The following GNAL variants were observed in gnomAD, a reference collection of about 807,000 sequenced individuals.
GNAL encodes guanine nucleotide-binding protein G(olf) subunit alpha.
Under a neutral mutation model 55.1 loss-of-function variants are expected in GNAL, and 18 were observed. That is an observed-to-expected ratio of 0.33 (90% CI 0.23 to 0.48). The LOEUF (loss-of-function observed/expected upper bound fraction) is 0.48. GNAL is among the 20% of genes least tolerant of loss of function. GNAL has a pLI of 0.99. For missense variants in GNAL, 412 were observed against 614.1 expected (o/e 0.67, Z 3.48); for synonymous variants, 253 against 237.0 (o/e 1.07, Z -0.62).
At chr18:11,821,464 C>T (rs112165953) in intron 4 of GNAL, among the ~76,000 whole-genome samples, 38 of 152,194 alleles carry the variant, frequency 2.5e-4, no homozygotes, top group African/African-American at 3.6e-4. Flanking sequence ...GAGTTAAATG[C>T]GATCATGTGT....
At chr18:11,864,503 C>T (rs992457050) in intron 6 of GNAL, 30 bp from the exon 7 acceptor site, 4 of 1,176,506 alleles carry the variant, frequency 3.4e-6, no homozygotes, top group Admixed American at 3.4e-5. Context: ...AGTAATGTAA[C>T]TCAGCTTGTT....
chr18:11,835,002 G>C (rs1311465263), intron 5 of GNAL, among the ~76,000 whole-genome samples: 1 of 152,146 alleles, frequency 6.6e-6, no homozygotes, highest in East Asian at 1.9e-4. Flanking sequence ...GTGCTGCATT[G>C]TCTACAAAAA....
chr18:11,730,409 C>T (rs1013508001), intron 1 of GNAL, among the ~76,000 whole-genome samples: 1 of 151,958 alleles, frequency 6.6e-6, no homozygotes, highest in African/African-American at 2.4e-5. Flanking sequence ...ATCTGCCTGC[C>T]TCGGCCTCCC....
intron 6 of GNAL, among the ~76,000 whole-genome samples, chr18:11,863,343 C>T (rs2036190267): frequency 6.6e-6 from 1 of 152,152 alleles, no homozygotes. Context: ...TCTGTTCAAA[C>T]CACACTCTCC....
intron 5 of GNAL, chr18:11,852,226 C>T (rs1328014430): frequency 4.5e-6 from 6 of 1,322,048 alleles, no homozygotes; most frequent in Non-Finnish European, 6.1e-6. Context: ...CTGAAATGCC[C>T]TTCTACCTTT....
At chr18:11,810,381 T>A (rs558772792) in intron 4 of GNAL, 215 of 152,346 alleles carry the variant, frequency 1.4e-3, no homozygotes, top group African/African-American at 5.1e-3. Flanking sequence ...AGTGACAGAG[T>A]GAGATCCTGT....
chr18:11,861,885 C>CTT (rs2036149484), intron 5 of GNAL, among the ~76,000 whole-genome samples: 1 of 152,044 alleles, frequency 6.6e-6, no homozygotes, highest in African/African-American at 2.4e-5. Context: ...CTCACCCTTA[C>CTT]ACTTTTACAC....
chr18:11,835,490 A>G (rs1194522278), intron 5 of GNAL, among the ~76,000 whole-genome samples: 2 of 152,196 alleles, frequency 1.3e-5, no homozygotes, highest in East Asian at 1.9e-4. Flanking sequence ...CTAAAAGTAC[A>G]GTAAAACGAA....
chr18:11,822,058 G>C (rs1360335412), intron 4 of GNAL, among the ~76,000 whole-genome samples: 9 of 152,376 alleles, frequency 5.9e-5, no homozygotes, highest in African/African-American at 1.9e-4. Flanking sequence ...AGGAGGTCTT[G>C]TGCGTGCAGA....
intron 4 of GNAL, among the ~76,000 whole-genome samples, chr18:11,760,860 CTT>C (rs2033217571): frequency 1.3e-5 from 2 of 152,214 alleles, no homozygotes; most frequent in African/African-American, 4.8e-5. Flanking sequence ...TGTATGTGAC[CTT>C]GAGCACATGA....
At chr18:11,779,770 G>A (rs1361322517) in intron 4 of GNAL, among the ~76,000 whole-genome samples, 2 of 152,204 alleles carry the variant, frequency 1.3e-5, no homozygotes, top group Non-Finnish European at 2.9e-5. Flanking sequence ...TCCCTGACCT[G>A]AAGAACACAA....
chr18:11,806,348 T>G (rs1257855941), intron 4 of GNAL, among the ~76,000 whole-genome samples: 2 of 152,224 alleles, frequency 1.3e-5, no homozygotes, highest in African/African-American at 4.8e-5. Context: ...TTAGTTTAAT[T>G]AAGTCCCATT....
rs992021845 is a variant in GNAL at position 11,752,348 on chromosome 18, C to G, written c.377-505C>G. ...TTTCAGCAGCAGGAAAGAGAGGAGCCGTCGCAGGAGCCGCACACGTCTCCA... is the reference window on the plus strand; with the variant it reads ...TTTCAGCAGCAGGAAAGAGAGGAGCGGTCGCAGGAGCCGCACACGTCTCCA... On this transcript the variant is annotated intron_variant, in intron 1 of 11. Coordinates refer to ENST00000334049, the MANE Select transcript of GNAL (RefSeq NM_182978.4). The surrounding 1 kb of genome is among the most constrained non-coding windows in gnomAD (Gnocchi z 4.5). The G allele has an allele frequency of 3.7e-5, 56 of 1,498,324 alleles. No individual in the cohort carries two copies. The highest frequency in any genetic ancestry group is 4.8e-5 in the Non-Finnish European group (54 of 1,128,190). 92.8% of individuals were successfully genotyped at this position (1,498,324 alleles called of 1,614,324 possible). A position where few individuals can be genotyped will look rare whatever the true frequency, so the allele number is the denominator to read the frequency against.
chr18:11,691,698 C>T (rs541290137), intron 1 of GNAL, among the ~76,000 whole-genome samples: 160 of 152,242 alleles, frequency 1.1e-3, no homozygotes, highest in African/African-American at 3.7e-3. Context: ...GTTTTCCCAG[C>T]ATCATTTATT....
chr18:11,777,221 T>C (rs139956488), intron 4 of GNAL, among the ~76,000 whole-genome samples: 1 of 152,310 alleles, frequency 6.6e-6, no homozygotes, highest in East Asian at 1.9e-4. Flanking sequence ...CATCTCTTTC[T>C]TCCAGGACCG....
intron 4 of GNAL, among the ~76,000 whole-genome samples, chr18:11,816,545 C>T (rs1049918495): frequency 1.3e-5 from 2 of 152,112 alleles, no homozygotes; most frequent in African/African-American, 4.8e-5. Context: ...CCACCTGCCT[C>T]GGGCTCCCAA....
At chr18:11,808,633 G>C (rs1270541449) in intron 4 of GNAL, among the ~76,000 whole-genome samples, 1 of 152,188 alleles carries the variant, frequency 6.6e-6, no homozygotes, top group Non-Finnish European at 1.5e-5. Flanking sequence ...GGAAAGAAAG[G>C]AGTCCCATTC....
chr18:11,693,182 A>T (rs61124787), intron 1 of GNAL, among the ~76,000 whole-genome samples: 27,589 of 152,110 alleles, frequency 0.18, 3,019 homozygotes, highest in African/African-American at 0.29. Flanking sequence ...AAAATGCTTT[A>T]TATATAATAA....
At chr18:11,703,295 G>A (rs2031621677) in intron 1 of GNAL, among the ~76,000 whole-genome samples, 1 of 152,206 alleles carries the variant, frequency 6.6e-6, no homozygotes, top group Non-Finnish European at 1.5e-5. Flanking sequence ...CGAAACTCCT[G>A]CATCTGCTTT....
Sources: allele counts gnomAD v4.1 joint callset (sites outside exome capture counted in the v4.1 genomes callset), GRCh38; gene constraint gnomAD v4.1.1; non-coding constraint Gnocchi (gnomAD v3.1); transcripts MANE v1.5; gene names NCBI Gene and HGNC (gene_info 2026-07-23, HGNC 2026-07-21).